WNT9B: variants seen among roughly 807,000 people sequenced by gnomAD.
WNT9B encodes Wnt family member 9B.
Under a neutral mutation model 30.2 loss-of-function variants are expected in WNT9B, and 12 were observed. The observed-to-expected ratio is 0.40, with a 90% confidence interval of 0.26 to 0.64. The LOEUF is 0.64. Among genes scored for constraint, WNT9B ranks in the 30% least tolerant of loss-of-function variants. The pLI is 0.42. For missense variants in WNT9B, 442 were observed against 485.2 expected (o/e 0.91, Z 0.84); for synonymous variants, 218 against 216.9 (o/e 1.01, Z -0.05).
At chr17:46,857,357 C>A (rs1190132535) in intron 1 of WNT9B, among the ~76,000 whole-genome samples, 1 of 151,728 alleles carries the variant, frequency 6.6e-6, no homozygotes, top group African/African-American at 2.4e-5. Context: ...TGCCTCTAAT[C>A]CCAGCTACTC....
At chr17:46,881,510 A>G (rs2085422163), downstream of WNT9B, among the ~76,000 whole-genome samples, 1 of 152,242 alleles carries the variant, frequency 6.6e-6, no homozygotes, top group Non-Finnish European at 1.5e-5. Flanking sequence ...ACCAAAGGCT[A>G]TATCGCTAGC....
At chr17:46,854,075 A>G (rs2084900127) in intron 1 of WNT9B, among the ~76,000 whole-genome samples, 1 of 152,164 alleles carries the variant, frequency 6.6e-6, no homozygotes, top group South Asian at 2.1e-4. Context: ...GACAAAAGAC[A>G]CAAAAGCCAC....
At chr17:46,864,518 G>GGGAAAGT (rs2085099686) in intron 1 of WNT9B, among the ~76,000 whole-genome samples, 1 of 152,158 alleles carries the variant, frequency 6.6e-6, no homozygotes, top group South Asian at 2.1e-4. Flanking sequence ...TTTCAGACCA[G>GGGAAAGT]GGAAAGTAGC....
chr17:46,860,631 A>C (rs1050032339), intron 1 of WNT9B, among the ~76,000 whole-genome samples: 3 of 152,242 alleles, frequency 2.0e-5, no homozygotes, highest in African/African-American at 7.2e-5. Flanking sequence ...TCTCTATATA[A>C]GGATTCCAAG....
At chr17:46,846,664 G>A (rs902156598), upstream of WNT9B, among the ~76,000 whole-genome samples, 1 of 152,254 alleles carries the variant, frequency 6.6e-6, no homozygotes, top group African/African-American at 2.4e-5. Flanking sequence ...AGCCTGCCTT[G>A]GCTGAACTCA....
chr17:46,836,282 G>A (rs2084631914), intron 1 of WNT9B, among the ~76,000 whole-genome samples: 1 of 152,150 alleles, frequency 6.6e-6, no homozygotes. Flanking sequence ...GGCTCCCAGG[G>A]AAATCCAGGG....
chr17:46,880,008 T>C lies in WNT9B; in HGVS notation c.*3290T>C, dbSNP rs1486770290. Among the ~76,000 whole-genome samples, 1 of 152,214 alleles carries C rather than the reference T, an allele frequency of 6.6e-6. No individual in the cohort carries two copies. Among genetic ancestry groups the C allele is most frequent in the African/African-American group, 2.4e-5 (1 of 41,452 alleles). On this transcript the variant is annotated 3_prime_UTR_variant, in exon 4 of 4. Coordinates refer to ENST00000290015, the MANE Select transcript of WNT9B (RefSeq NM_003396.3). ...GATGAATTTTGATTGCTCTCATTTG[T>C]GTTTTGCTTGTAAAAATGAATTGTT...
intron 1 of WNT9B, among the ~76,000 whole-genome samples, chr17:46,852,247 A>G (rs1401627295): frequency 6.6e-6 from 1 of 151,558 alleles, no homozygotes; most frequent in African/African-American, 2.4e-5. Context: ...GTGCGCGTCC[A>G]GGGAGAATGG....
At chr17:46,875,408 G>T in intron 3 of WNT9B, 42 bp downstream of exon 3, 1 of 1,542,592 alleles carries the variant, frequency 6.5e-7, no homozygotes, top group African/African-American at 1.4e-5. Context: ...TCCCACCAGG[G>T]TACACAGCTG....
downstream of WNT9B, among the ~76,000 whole-genome samples, chr17:46,884,877 C>G (rs2085470305): frequency 8.5e-5 from 13 of 152,164 alleles, no homozygotes; most frequent in Admixed American, 8.5e-4. Context: ...CCTGGCTTCT[C>G]CTATATTTGC....
In WNT9B at chr17:46,878,361, T is replaced by C. The variant is rs537983359; in HGVS notation, c.*1643T>C. On this transcript the variant is annotated 3_prime_UTR_variant, in exon 4 of 4. Transcript: ENST00000290015. ...GGACAAAGGCCCGCTGACTGTGCCC[T>C]GGCCAACTCCCTGAGACCTCCAAGG... 1.3e-4 allele frequency among the ~76,000 whole-genome samples: 20 copies of C among 152,328 alleles called. No homozygotes were observed. The highest frequency in any genetic ancestry group is 4.8e-4 in the African/African-American group (20 of 41,576).
exon 5 of WNT9B, chr17:46,886,639 G>C: frequency 6.6e-6 from 1 of 152,236 alleles, no homozygotes; most frequent in East Asian, 1.9e-4. Context: ...AATACTGCGT[G>C]ATCATGTTGC....
At chr17:46,881,179 C>G (rs992971587), downstream of WNT9B, among the ~76,000 whole-genome samples, 4 of 152,216 alleles carry the variant, frequency 2.6e-5, no homozygotes, top group Admixed American at 2.0e-4. Flanking sequence ...CTGCCCTGCC[C>G]CAGTTCTTCA....
In WNT9B at chr17:46,860,858, C is replaced by CTT. The variant is rs374919523; in HGVS notation, c.77+9151_77+9152dup. The stretch of plus-strand genomic sequence containing the variant: ...AATTCTCATTTATTTTAAAATTTCA[C>CTT]TTTTTTTTTATTTTTAGAGAGATAG... On this transcript the variant is annotated intron_variant, in intron 1 of 3. Coordinates refer to ENST00000290015, the MANE Select transcript of WNT9B (RefSeq NM_003396.3). 8.5e-3 allele frequency among the ~76,000 whole-genome samples: 1,285 copies of CTT among 151,694 alleles called. 18 individuals are homozygous for CTT. The highest frequency in any genetic ancestry group is 0.029 in the African/African-American group (1,201 of 41,328).
At chr17:46,876,161 C>T in intron 3 of WNT9B, 84 bp from the exon 4 acceptor site, 1 of 1,309,656 alleles carries the variant, frequency 7.6e-7, no homozygotes, top group Non-Finnish European at 1.0e-6. Context: ...CTGCCTCTGC[C>T]CTGCTGGGGT....
intron 1 of WNT9B, among the ~76,000 whole-genome samples, chr17:46,858,362 A>C (rs967118407): frequency 6.6e-6 from 1 of 152,210 alleles, no homozygotes; most frequent in Non-Finnish European, 1.5e-5. Context: ...GATGAAGTCC[A>C]GTGTATCAAC....
intron 1 of WNT9B, among the ~76,000 whole-genome samples, chr17:46,865,564 C>A (rs2085119491): frequency 6.6e-6 from 1 of 152,000 alleles, no homozygotes; most frequent in Non-Finnish European, 1.5e-5. Flanking sequence ...ACAGGAGGAA[C>A]GAGTGGTTTT....
chr17:46,885,023 T>G (rs769690806), downstream of WNT9B: 9 of 438,452 alleles, frequency 2.1e-5, no homozygotes, highest in South Asian at 1.5e-4. Context: ...AGTCTTGTTC[T>G]TGTTGCGCAG....
In WNT9B at chr17:46,878,233, G is replaced by A. The variant is rs944834040; in HGVS notation, c.*1515G>A. On this transcript the variant is annotated 3_prime_UTR_variant, in exon 4 of 4. Transcript: ENST00000290015. ...TTTGCTGGCCCTGCCACGCCCATCT[G>A]TCAGCTTCCTTTCTCCCTAAACCTA... Among the ~76,000 whole-genome samples, 3 of 152,238 alleles carry A rather than the reference G, an allele frequency of 2.0e-5. No individual in the cohort carries two copies. Among genetic ancestry groups the A allele is most frequent in the African/African-American group, 7.2e-5 (3 of 41,474 alleles).
Sources: gnomAD v4.1 joint callset for allele counts (sites outside exome capture counted in the v4.1 genomes callset) on GRCh38, gnomAD v4.1.1 for gene constraint, MANE v1.5 for transcripts, NCBI Gene and HGNC (gene_info 2026-07-23, HGNC 2026-07-21) for gene names.